Variants in DNM3 observed in about 807,000 individuals in gnomAD.
The protein encoded by DNM3 is dynamin 3, also known as dynamin-3.
DNM3 carries 47 observed loss-of-function variants against 101.6 expected under a neutral mutation model. The ratio of observed to expected loss-of-function variants is 0.46; its 90% CI spans 0.37 to 0.59. The LOEUF is 0.59. DNM3 is among the 20% of genes least tolerant of loss of function. DNM3 has a pLI of 0.00. For synonymous variants in DNM3, 385 were observed against 387.9 expected, an observed-to-expected ratio of 0.99 and a Z score of 0.09; for missense variants, 849 against 1,085.7, an observed-to-expected ratio of 0.78 and a Z score of 3.06.
intron 14 of DNM3, among the ~76,000 whole-genome samples, chr1:172,233,066 C>G (rs1480188761): frequency 6.6e-6 from 1 of 151,990 alleles, no homozygotes; most frequent in Non-Finnish European, 1.5e-5. Context: ...GATAGAGACA[C>G]AAAAACCCTT....
chr1:171,968,349 T>A (rs938178083), intron 2 of DNM3, among the ~76,000 whole-genome samples: 1 of 152,158 alleles, frequency 6.6e-6, no homozygotes, highest in East Asian at 1.9e-4. Context: ...TTTGTGATTC[T>A]AGAATCAGGC....
intron 17 of DNM3, among the ~76,000 whole-genome samples, chr1:172,339,326 G>C (rs1292215634): frequency 1.3e-5 from 2 of 152,100 alleles, no homozygotes; most frequent in East Asian, 3.8e-4. Context: ...TTTTATTTCT[G>C]TTTATTTTCT....
chr1:171,968,063 C>G (rs2043717799), intron 2 of DNM3, among the ~76,000 whole-genome samples: 1 of 152,176 alleles, frequency 6.6e-6, no homozygotes, highest in Admixed American at 6.6e-5. Flanking sequence ...ACAACTTAAT[C>G]TCTTTGATGA....
At chr1:172,203,013 C>A (rs1299779535) in intron 14 of DNM3, among the ~76,000 whole-genome samples, 1 of 152,098 alleles carries the variant, frequency 6.6e-6, no homozygotes, top group East Asian at 1.9e-4. Context: ...CAGAACACAC[C>A]TGAATAGACA....
At chr1:172,292,626 C>CGT (rs2063975033) in intron 15 of DNM3, among the ~76,000 whole-genome samples, 1 of 152,056 alleles carries the variant, frequency 6.6e-6, no homozygotes, top group South Asian at 2.1e-4. Flanking sequence ...CACACACACG[C>CGT]GCGTGCGTAT....
At chr1:172,305,778 A>G (rs1445330648) in intron 15 of DNM3, among the ~76,000 whole-genome samples, 1 of 152,254 alleles carries the variant, frequency 6.6e-6, no homozygotes, top group Non-Finnish European at 1.5e-5. Context: ...CCGAAGAGAA[A>G]AACCACATGA....
chr1:172,038,228 A>G (rs1450614959), intron 6 of DNM3, 91 bp from the exon 7 acceptor site: 1 of 1,496,414 alleles, frequency 6.7e-7, no homozygotes, highest in East Asian at 2.3e-5. Flanking sequence ...TTAGAAAAAC[A>G]ATGGAGGCGG....
chr1:171,885,651 AG>A (rs1223395332), intron 1 of DNM3, among the ~76,000 whole-genome samples: 2 of 152,154 alleles, frequency 1.3e-5, no homozygotes, highest in African/African-American at 4.8e-5. Context: ...AAGATGTGAC[AG>A]GGGATATGCC....
At chr1:172,376,447 G>T (rs1484307851) in intron 17 of DNM3, 1 of 151,890 alleles carries the variant, frequency 6.6e-6, no homozygotes, top group South Asian at 2.1e-4. Context: ...TTTAAACAAA[G>T]AAAAAATATA....
intron 15 of DNM3, among the ~76,000 whole-genome samples, chr1:172,278,796 C>T (rs933347600): frequency 7.9e-5 from 12 of 152,148 alleles, no homozygotes; most frequent in African/African-American, 2.9e-4. Context: ...AACCCCAGCA[C>T]ATGCTGACTA....
chr1:171,970,889 A>C (rs2043942648), intron 2 of DNM3, among the ~76,000 whole-genome samples: 1 of 151,906 alleles, frequency 6.6e-6, no homozygotes, highest in Non-Finnish European at 1.5e-5. Flanking sequence ...TTCTGTGGAA[A>C]TCTCTTTCCC....
At chr1:172,247,385 G>A (rs1376397873) in intron 14 of DNM3, among the ~76,000 whole-genome samples, 1 of 152,074 alleles carries the variant, frequency 6.6e-6, no homozygotes, top group Non-Finnish European at 1.5e-5. Flanking sequence ...TAAAAACTAG[G>A]AATCTTTGTT....
At chr1:171,998,668 G>A (rs886986439) in intron 4 of DNM3, among the ~76,000 whole-genome samples, 4 of 152,064 alleles carry the variant, frequency 2.6e-5, no homozygotes, top group African/African-American at 9.7e-5. Flanking sequence ...TTAGTATAAT[G>A]TCAGGTGTTA....
At chr1:172,404,078 A>C (rs2070706459) in intron 20 of DNM3, among the ~76,000 whole-genome samples, 1 of 152,142 alleles carries the variant, frequency 6.6e-6, no homozygotes, top group Admixed American at 6.5e-5. Flanking sequence ...TGTTTTAGAA[A>C]AAATAAATAA....
intron 12 of DNM3, among the ~76,000 whole-genome samples, chr1:172,084,386 T>G (rs185530829): frequency 7.9e-5 from 12 of 152,250 alleles, no homozygotes; most frequent in Admixed American, 5.9e-4. Flanking sequence ...TACTTTATGA[T>G]GTAGTTATAA....
At chr1:172,088,447 TC>T (rs1172327303) in intron 12 of DNM3, among the ~76,000 whole-genome samples, 2 of 152,126 alleles carry the variant, frequency 1.3e-5, no homozygotes, top group Non-Finnish European at 2.9e-5. Context: ...CTTGATCATG[TC>T]ACTTGCTGGC....
intron 1 of DNM3, among the ~76,000 whole-genome samples, chr1:171,894,367 C>T (rs1343704025): frequency 6.6e-6 from 1 of 152,112 alleles, no homozygotes; most frequent in Non-Finnish European, 1.5e-5. Flanking sequence ...CTGGTCTTTC[C>T]TCAAAAGCTA....
chr1:172,041,429 A>G (rs1414253948), intron 7 of DNM3, among the ~76,000 whole-genome samples: 2 of 152,162 alleles, frequency 1.3e-5, no homozygotes, highest in Non-Finnish European at 2.9e-5. Flanking sequence ...AAGTGTGTTG[A>G]GTTCAAGGCA....
chr1:172,336,079 G>A (rs1270030250), intron 17 of DNM3, among the ~76,000 whole-genome samples: 1 of 152,068 alleles, frequency 6.6e-6, no homozygotes, highest in Non-Finnish European at 1.5e-5. Context: ...GCCGGGTTGG[G>A]GGTGCTACTA....
Sources: allele counts gnomAD v4.1 joint callset (sites outside exome capture counted in the v4.1 genomes callset), GRCh38; gene constraint gnomAD v4.1.1; transcripts MANE v1.5; gene names NCBI Gene and HGNC (gene_info 2026-07-23, HGNC 2026-07-21).